The following TEKT4 variants were observed in gnomAD, a reference collection of about 807,000 sequenced individuals.
TEKT4 encodes the protein tektin 4.
In TEKT4, 46 loss-of-function variants were observed where a neutral mutation model predicts 46.0. The ratio of observed to expected loss-of-function variants is 1.00; its 90% CI spans 0.79 to 1.28. The LOEUF (loss-of-function observed/expected upper bound fraction) is 1.28. Among genes scored for constraint, TEKT4 ranks in the 50% most tolerant of loss-of-function variants. TEKT4 has a pLI of 0.00. For missense variants in TEKT4, 790 were observed against 622.9 expected (o/e 1.27, Z -2.85); for synonymous variants, 325 against 265.8 (o/e 1.22, Z -2.17).
intron 5 of TEKT4, 66 bp from the exon 6 acceptor site, chr2:94,876,487 T>TAC (rs1680859383): frequency 1.4e-6 from 2 of 1,456,302 alleles, no homozygotes; most frequent in South Asian, 2.5e-5. Context: ...TTGGGTCCCC[T>TAC]ACACCCCGGT....
intron 4 of TEKT4, among the ~76,000 whole-genome samples, 181 bp downstream of exon 4, chr2:94,875,179 C>A (rs113444787): frequency 6.6e-6 from 1 of 152,192 alleles, no homozygotes; most frequent in Admixed American, 6.5e-5. Flanking sequence ...CCCTATGACT[C>A]AGCAGGAGGA....
At position 94,876,723 on chromosome 2, in the gene TEKT4, A is replaced by C; in HGVS notation, c.1262A>C (p.His421Pro). 1 of 1,611,406 alleles carries C rather than the reference A, an allele frequency of 6.2e-7. No homozygotes were observed. Among genetic ancestry groups the C allele is most frequent in the Non-Finnish European group, 8.5e-7 (1 of 1,179,994 alleles). ...LFIDRQKCMA[H>P]RTRYPTILQL... ...ATCGACCGCCAGAAGTGCATGGCCC[A>C]TCGTACTCGCTACCCCACCATCCTG... Residue 421 changes from histidine to proline, a missense_variant, in exon 6 of 6, where the codon CAT becomes CCT. By Grantham distance (77) the His-to-Pro change is moderately conservative. Coordinates refer to ENST00000295201, the MANE Select transcript of TEKT4 (RefSeq NM_144705.4).
At chr2:94,873,670 CCT>C (rs1680684599) in intron 2 of TEKT4, 80 bp downstream of exon 2, 3 of 1,569,078 alleles carry the variant, frequency 1.9e-6, no homozygotes, top group Non-Finnish European at 2.6e-6. Context: ...ACGACAGGAC[CCT>C]GAGACTCAGA....
chr2:94,872,257 G>A (rs1680611591), intron 1 of TEKT4, 180 bp downstream of exon 1: 1 of 732,500 alleles, frequency 1.4e-6, no homozygotes, highest in Admixed American at 3.0e-5. Flanking sequence ...CTTTGCCCCA[G>A]AAGACCCCTG....
intron 5 of TEKT4, 75 bp downstream of exon 5, chr2:94,875,817 T>TC (rs1356017945): frequency 1.4e-6 from 2 of 1,464,534 alleles, no homozygotes; most frequent in African/African-American, 1.4e-5. Flanking sequence ...CAATAAACAC[T>TC]CCAACACCCC....
intron 4 of TEKT4, 141 bp from the exon 5 acceptor site, chr2:94,875,447 T>C: frequency 7.7e-7 from 1 of 1,293,854 alleles, no homozygotes; most frequent in Non-Finnish European, 1.1e-6. Context: ...ATTGTTCCCC[T>C]CATCCACGCC....
chr2:94,873,749 T>C (rs1355984289), intron 2 of TEKT4, among the ~76,000 whole-genome samples, 159 bp downstream of exon 2: 1 of 152,130 alleles, frequency 6.6e-6, no homozygotes, highest in Non-Finnish European at 1.5e-5. Flanking sequence ...CGGCGCAGCC[T>C]GAGGTTGAGT....
At chr2:94,872,133 C>G (rs1430328054) in intron 1 of TEKT4, 56 bp downstream of exon 1, 23 of 1,476,142 alleles carry the variant, frequency 1.6e-5, no homozygotes, top group Non-Finnish European at 1.8e-5. Flanking sequence ...GGAGCCCCCC[C>G]CCCCGCAGTT....
intron 1 of TEKT4, chr2:94,872,841 T>G: frequency 7.8e-7 from 1 of 1,289,354 alleles, no homozygotes; most frequent in Non-Finnish European, 1.0e-6. Context: ...ACTCTCTCAG[T>G]GCCTCAAGAA....
At chr2:94,875,521 C>T (rs782609417) in intron 4 of TEKT4, 67 bp from the exon 5 acceptor site, 3 of 1,598,398 alleles carry the variant, frequency 1.9e-6, no homozygotes, top group Admixed American at 3.4e-5. Flanking sequence ...TAGGACCAGC[C>T]TGGTCTCGGC....
Position 94,875,756 on chromosome 2 carries a change from C to T in TEKT4, c.1091+14C>T, listed in dbSNP as rs782472200. 15 of 1,611,416 alleles carry T rather than the reference C, an allele frequency of 9.3e-6. No homozygotes were observed. The East Asian group carries it at 2.7e-4, about 29-fold the overall frequency. On this transcript the variant is annotated intron_variant, in intron 5 of 5. Transcript: ENST00000295201. ...AGCCCAGTTCAGGTGCTGCCTGGGC[C>T]TCTGAGGCAGTCCCAGGTGGCCCTG...
chr2:94,873,149 C>T, intron 1 of TEKT4: 1 of 1,228,234 alleles, frequency 8.1e-7, no homozygotes, highest in Non-Finnish European at 1.0e-6. Context: ...CCTGGGCGGG[C>T]ATCTGGGCCC....
chr2:94,872,782 A>C, intron 1 of TEKT4: 2 of 1,282,452 alleles, frequency 1.6e-6, no homozygotes, highest in Non-Finnish European at 2.0e-6. Context: ...CCCTCCCCTC[A>C]TGCCTTCCCT....
chr2:94,873,447 G>A, intron 1 of TEKT4, 73 bp from the exon 2 acceptor site: 1 of 1,608,334 alleles, frequency 6.2e-7, no homozygotes, highest in East Asian at 2.2e-5. Flanking sequence ...GTTGACCAAG[G>A]CCTGCAGCAG....
At position 94,873,536 on chromosome 2, in the gene TEKT4, G is replaced by A. The variant is rs781835348; in HGVS notation, c.515G>A (p.Arg172Gln). 5.3e-5 allele frequency: 85 copies of A among 1,612,496 alleles called. No individual in the cohort carries two copies. In the Middle Eastern group the frequency reaches 1.5e-3, roughly 28 times the overall value. ...TELLKEAELI[R>Q]NIQELLKRTI... ...CTCCCTCAGGAAGCCGAGCTCATCC[G>A]GAACATTCAGGAGCTGCTGAAGAGA... is the stretch of plus-strand genomic sequence containing the variant. Residue 172 changes from arginine to glutamine, a missense_variant, in exon 2 of 6, where the codon CGG becomes CAG. Arg to Gln is a conservative substitution (Grantham distance 43). Transcript: ENST00000295201.
rs1680622231 is a variant in TEKT4, at chr2:94,872,484, A to G, written c.498+407A>G. The stretch of plus-strand genomic sequence containing the variant: ...GGGCTGGGAGCCACTGCTCCCATTC[A>G]TCCTATACAGAGCCGGGGACACAAA... On this transcript the variant is annotated intron_variant, in intron 1 of 5. Transcript: ENST00000295201. 1.2e-5 allele frequency: 4 copies of G among 332,504 alleles called. No homozygotes were observed. The South Asian group carries it at 1.2e-4, about 10-fold the overall frequency. The allele number at this position is 332,504 out of a possible 1,614,324, so 20.6% of individuals were successfully genotyped here.
chr2:94,872,768 C>G, intron 1 of TEKT4: 588 of 1,165,522 alleles, frequency 5.0e-4, no homozygotes, highest in Non-Finnish European at 6.1e-4. Context: ...ACCCTTGAGT[C>G]CCTCCCTCCC....
rs782586318 is a variant in TEKT4 at position 94,871,537 on chromosome 2, C to T, written c.-43C>T. ...TAGGCTGACCGCAACCGGCTGACCA[C>T]ACACAGTCCTCACTCCCCTGGCCCT... On this transcript the variant is annotated 5_prime_UTR_variant, in exon 1 of 6. Transcript: ENST00000295201. 4 of 1,533,504 alleles carry T rather than the reference C, an allele frequency of 2.6e-6. No homozygotes were observed. The East Asian group carries it at 9.4e-5, about 36-fold the overall frequency. The allele number at this position is 1,533,504 out of a possible 1,614,324, so 95.0% of individuals were successfully genotyped here.
intron 5 of TEKT4, 34 bp from the exon 6 acceptor site, chr2:94,876,519 C>T (rs1290139270): frequency 1.3e-6 from 2 of 1,568,080 alleles, no homozygotes; most frequent in Non-Finnish European, 1.7e-6. Context: ...TCTGCCCTCC[C>T]TAGCCCCGGC....
Sources: gnomAD v4.1 joint callset for allele counts (sites outside exome capture counted in the v4.1 genomes callset) on GRCh38, gnomAD v4.1.1 for gene constraint, MANE v1.5 for transcripts, NCBI Gene and HGNC (gene_info 2026-07-23, HGNC 2026-07-21) for gene names.